Variants in NLGN4X observed in about 807,000 individuals in gnomAD.
NLGN4X encodes the protein neuroligin 4 X-linked.
In NLGN4X, 3 loss-of-function variants were observed where a neutral mutation model predicts 40.3. The ratio of observed to expected loss-of-function variants is 0.07; its 90% CI spans 0.03 to 0.19. The LOEUF (loss-of-function observed/expected upper bound fraction) is 0.19, where lower values mean the gene tolerates loss of function less well. NLGN4X is among the 10% of genes least tolerant of loss of function. NLGN4X has a pLI of 1.00. For synonymous variants in NLGN4X, 270 were observed against 306.8 expected, an observed-to-expected ratio of 0.88 and a Z score of 1.25; for missense variants, 382 against 708.3, an observed-to-expected ratio of 0.54 and a Z score of 5.23.
intron 4 of NLGN4X, among the ~76,000 whole-genome samples, chrX:5,907,469 T>C (rs2032248426): frequency 8.9e-6 from 1 of 112,014 alleles, no homozygotes; most frequent in Non-Finnish European, 1.9e-5. Context: ...TGGCTGCCTA[T>C]GCTGACCATT....
intron 2 of NLGN4X, among the ~76,000 whole-genome samples, chrX:6,042,714 T>TAC (rs1397965006): frequency 5.1e-5 from 2 of 39,048 alleles, no homozygotes; most frequent in East Asian, 1.0e-3. Flanking sequence ...TATATATATA[T>TAC]ATATATATAT....
intron 3 of NLGN4X, among the ~76,000 whole-genome samples, chrX:5,926,237 T>C (rs1236855029): frequency 9.2e-6 from 1 of 109,170 alleles, no homozygotes; most frequent in Non-Finnish European, 1.9e-5. Context: ...TCTGCCACAA[T>C]TGTAAGCTTC....
intron 2 of NLGN4X, among the ~76,000 whole-genome samples, chrX:6,049,264 G>A (rs2037414279): frequency 4.2e-5 from 2 of 48,052 alleles, no homozygotes; most frequent in Admixed American, 2.6e-4. Flanking sequence ...GGGGAGGGGA[G>A]GGGAGGGGAG....
intron 2 of NLGN4X, among the ~76,000 whole-genome samples, chrX:6,117,613 T>C (rs1445971099): frequency 4.5e-5 from 5 of 111,349 alleles, no homozygotes; most frequent in East Asian, 2.8e-4. Context: ...AAATGGCCTA[T>C]ACCTCTCTAC....
chrX:5,907,449 C>A (rs777603710), intron 4 of NLGN4X, among the ~76,000 whole-genome samples: 1 of 111,924 alleles, frequency 8.9e-6, no homozygotes, highest in South Asian at 3.7e-4. Flanking sequence ...TCCAGCAGGG[C>A]TCAGGGGTGT....
At chrX:6,057,674 T>G (rs1371537185) in intron 2 of NLGN4X, among the ~76,000 whole-genome samples, 1 of 112,178 alleles carries the variant, frequency 8.9e-6, no homozygotes, top group Non-Finnish European at 1.9e-5. Context: ...ACAATTAGGC[T>G]AATTTAGCTT....
At chrX:6,116,290 CAAAAAAAAAAAAAAAA>C (rs758019203) in intron 2 of NLGN4X, among the ~76,000 whole-genome samples, 2 of 16,165 alleles carry the variant, frequency 1.2e-4, no homozygotes, top group South Asian at 0.013. Context: ...GAGACTCTGT[CAAAAAAAAAAAAAAAA>C]AAAAAAAAAA....
intron 1 of NLGN4X, among the ~76,000 whole-genome samples, chrX:6,171,470 C>T (rs2040604819): frequency 8.9e-6 from 1 of 112,104 alleles, no homozygotes; most frequent in South Asian, 3.7e-4. Context: ...TCTGTGAAGG[C>T]CACTGTTCCT....
At chrX:5,926,651 T>C (rs1259551357) in intron 3 of NLGN4X, among the ~76,000 whole-genome samples, 1 of 110,599 alleles carries the variant, frequency 9.0e-6, no homozygotes, top group African/African-American at 3.3e-5. Flanking sequence ...GATGTTCTAA[T>C]TGTCCCATTA....
intron 1 of NLGN4X, among the ~76,000 whole-genome samples, chrX:6,177,847 G>A (rs1920994907): frequency 9.1e-6 from 1 of 110,431 alleles, no homozygotes; most frequent in Non-Finnish European, 1.9e-5. Flanking sequence ...ATGGTATCAG[G>A]AGGCGAGGTC....
At chrX:6,153,340 G>A (rs2040203012) in intron 1 of NLGN4X, among the ~76,000 whole-genome samples, 1 of 111,466 alleles carries the variant, frequency 9.0e-6, no homozygotes, top group Non-Finnish European at 1.9e-5. Flanking sequence ...TGAAAATCTG[G>A]ATTATAACTT....
chrX:6,013,100 G>A (rs928032378), intron 3 of NLGN4X, among the ~76,000 whole-genome samples: 102 of 111,187 alleles, frequency 9.2e-4, no homozygotes, highest in African/African-American at 2.5e-3. Flanking sequence ...AAATTCTACC[G>A]TAGAGCTCTA....
At chrX:6,205,460 G>A (rs1003446765) in intron 1 of NLGN4X, among the ~76,000 whole-genome samples, 8 of 112,151 alleles carry the variant, frequency 7.1e-5, no homozygotes, top group Non-Finnish European at 1.1e-4. Flanking sequence ...AAAGAGGGTC[G>A]CATTAATCCA....
At chrX:6,170,220 A>C (rs995160289) in intron 1 of NLGN4X, among the ~76,000 whole-genome samples, 2 of 111,031 alleles carry the variant, frequency 1.8e-5, no homozygotes, top group Non-Finnish European at 3.8e-5. Context: ...GCCCAGCACA[A>C]AGTGCTGGGA....
intron 3 of NLGN4X, among the ~76,000 whole-genome samples, chrX:5,982,215 T>C (rs1006873614): frequency 2.7e-5 from 3 of 111,965 alleles, no homozygotes; most frequent in Admixed American, 9.5e-5. Context: ...GAGAGAAATG[T>C]TAATGAAAAT....
Position 5,913,902 on chromosome X carries a change from G to A in NLGN4X, c.626-4663C>T, listed in dbSNP as rs185854171. Among the ~76,000 whole-genome samples the A allele has an allele frequency of 1.1e-3, 120 of 111,592 alleles. 3 individuals are homozygous for A. Among genetic ancestry groups the A allele is most frequent in the Non-Finnish European group, 1.6e-3 (87 of 53,063 alleles). On this transcript the variant is annotated intron_variant, in intron 3 of 5. Coordinates refer to ENST00000381095, the MANE Select transcript of NLGN4X (RefSeq NM_181332.3). ...GTGAATAAGTGTCATGAAATCTGAT[G>A]GTTTTATAAATGGCAGTTCCCCTGG...
chrX:6,163,687 C>T (rs2040444602), intron 1 of NLGN4X, among the ~76,000 whole-genome samples: 1 of 111,724 alleles, frequency 9.0e-6, no homozygotes, highest in Admixed American at 9.5e-5. Flanking sequence ...GTAAAGACAG[C>T]ATAGAGGGGG....
chrX:6,107,543 T>C (rs757312386), intron 2 of NLGN4X, among the ~76,000 whole-genome samples: 2 of 111,602 alleles, frequency 1.8e-5, no homozygotes, highest in African/African-American at 6.5e-5. Context: ...TTTTTGTGTT[T>C]TTGTTTGTTT....
chrX:6,146,282 A>C, intron 2 of NLGN4X, among the ~76,000 whole-genome samples: 1 of 112,139 alleles, frequency 8.9e-6, no homozygotes, highest in Non-Finnish European at 1.9e-5. Flanking sequence ...CAAATGTTCC[A>C]TTCATCAGAT....
Sources: gnomAD v4.1 joint callset for allele counts (sites outside exome capture counted in the v4.1 genomes callset) on GRCh38, gnomAD v4.1.1 for gene constraint, MANE v1.5 for transcripts, NCBI Gene and HGNC (gene_info 2026-07-23, HGNC 2026-07-21) for gene names.